The following PTPRR variants were observed in gnomAD, a reference collection of about 807,000 sequenced individuals.
The protein encoded by PTPRR is protein tyrosine phosphatase receptor type R, also known as receptor-type tyrosine-protein phosphatase R.
In PTPRR, 38 loss-of-function variants were observed where a neutral mutation model predicts 77.2. That is an observed-to-expected ratio of 0.49 (90% confidence interval 0.38 to 0.65). The LOEUF (loss-of-function observed/expected upper bound fraction) is 0.65. PTPRR is among the 30% of genes least tolerant of loss of function. PTPRR has a pLI of 0.00. For missense variants in PTPRR, 744 were observed against 799.2 expected, an observed-to-expected ratio of 0.93 and a Z score of 0.83; for synonymous variants, 299 against 283.1, an observed-to-expected ratio of 1.06 and a Z score of -0.57.
intron 2 of PTPRR, among the ~76,000 whole-genome samples, chr12:70,858,327 G>C (rs564534155): frequency 3.6e-4 from 55 of 152,058 alleles, no homozygotes; most frequent in Non-Finnish European, 6.6e-4. Context: ...TTTCCATCTT[G>C]GACTCTGTCT....
chr12:70,696,163 A>G (rs1234567131), intron 8 of PTPRR, among the ~76,000 whole-genome samples: 1 of 150,092 alleles, frequency 6.7e-6, no homozygotes, highest in East Asian at 2.0e-4. Context: ...CATAGAAAAT[A>G]TTACTTCCTC....
chr12:70,660,901 G>A (rs773637031), intron 12 of PTPRR, 39 bp downstream of exon 12: 1 of 1,559,788 alleles, frequency 6.4e-7, no homozygotes, highest in Non-Finnish European at 8.7e-7. Flanking sequence ...TACAAAGAAT[G>A]GGCCATTGCT....
Position 70,867,761 on chromosome 12 carries a change from G to A in PTPRR, c.357+24918C>T, listed in dbSNP as rs546667234. Among the ~76,000 whole-genome samples the A allele has an allele frequency of 1.3e-3, 201 of 152,214 alleles. 1 individual carries two copies. The highest frequency in any genetic ancestry group is 4.8e-3 in the African/African-American group (198 of 41,524). The stretch of plus-strand genomic sequence containing the variant: ...CTAAGCCAGAAGAACAAAACTAGAG[G>A]CATCACGCTACCTGACTTCAAACTA... On this transcript the variant is annotated intron_variant, in intron 2 of 13. Transcript: ENST00000283228.
At position 70,638,306 on chromosome 12, in the gene PTPRR, G is replaced by A. The variant is rs901392871; in HGVS notation, c.*878C>T. ...TCATTCCTGAAGGCATATACCTTTT[G>A]TTGAGAGAGAGATTCCAGGTAGATA... On this transcript the variant is annotated 3_prime_UTR_variant, in exon 14 of 14. Transcript: ENST00000283228. 5 of 152,382 alleles carry A rather than the reference G, an allele frequency of 3.3e-5. No individual in the cohort carries two copies. Among genetic ancestry groups the A allele is most frequent in the African/African-American group, 1.2e-4 (5 of 41,438 alleles). 9.4% of individuals were successfully genotyped at this position (152,382 alleles called of 1,614,324 possible). A position where few individuals can be genotyped will look rare whatever the true frequency, so the allele number is the denominator to read the frequency against.
At chr12:70,816,621 A>C (rs1891907000) in intron 2 of PTPRR, among the ~76,000 whole-genome samples, 1 of 152,088 alleles carries the variant, frequency 6.6e-6, no homozygotes, top group Non-Finnish European at 1.5e-5. Flanking sequence ...GCACATATGC[A>C]TTAGAGATAT....
chr12:70,892,424 T>C lies in PTPRR; in HGVS notation c.357+255A>G, dbSNP rs183606706. On this transcript the variant is annotated intron_variant, in intron 2 of 13. Coordinates refer to ENST00000283228, the MANE Select transcript of PTPRR (RefSeq NM_002849.4). ...TTCCTAAAGTAATCTTTTATTCAAA[T>C]ATTTATTAAGCATCTACCATGTACC... Among the ~76,000 whole-genome samples the C allele has an allele frequency of 1.1e-3, 160 of 152,134 alleles. 1 individual carries two copies. The highest frequency in any genetic ancestry group is 3.7e-3 in the African/African-American group (154 of 41,550).
intron 2 of PTPRR, among the ~76,000 whole-genome samples, chr12:70,877,356 A>T (rs1271818939): frequency 6.6e-6 from 1 of 152,216 alleles, no homozygotes; most frequent in Non-Finnish European, 1.5e-5. Context: ...CCTGTCAATT[A>T]TCATCATGGT....
intron 13 of PTPRR, among the ~76,000 whole-genome samples, chr12:70,643,427 A>G (rs1453337777): frequency 6.6e-6 from 1 of 152,126 alleles, no homozygotes; most frequent in Non-Finnish European, 1.5e-5. Context: ...CATCCACCTC[A>G]GCCTCCCAAA....
chr12:70,824,398 TA>T (rs921771502), intron 2 of PTPRR, among the ~76,000 whole-genome samples: 36 of 152,110 alleles, frequency 2.4e-4, no homozygotes, highest in African/African-American at 6.5e-4. Flanking sequence ...AATTTTTTTT[TA>T]AAATGTAAGA....
chr12:70,898,578 C>CAT (rs1322283503), intron 1 of PTPRR, among the ~76,000 whole-genome samples: 4 of 148,570 alleles, frequency 2.7e-5, no homozygotes, highest in African/African-American at 4.9e-5. Flanking sequence ...TATGTATATA[C>CAT]ATATATATAA....
At chr12:70,889,369 C>T (rs996150535) in intron 2 of PTPRR, among the ~76,000 whole-genome samples, 3 of 118,150 alleles carry the variant, frequency 2.5e-5, no homozygotes, top group African/African-American at 7.8e-5. Flanking sequence ...GAGATTATCA[C>T]TTTACTTATA....
intron 8 of PTPRR, among the ~76,000 whole-genome samples, chr12:70,691,947 T>C (rs1205786062): frequency 6.6e-6 from 1 of 152,198 alleles, no homozygotes; most frequent in Non-Finnish European, 1.5e-5. Flanking sequence ...CATCCATACT[T>C]CCCAATTGCC....
chr12:70,758,045 C>G (rs1890602562), intron 4 of PTPRR, among the ~76,000 whole-genome samples: 2 of 152,170 alleles, frequency 1.3e-5, no homozygotes, highest in African/African-American at 4.8e-5. Context: ...TTTAGAGATT[C>G]TGGTCAAAGG....
intron 1 of PTPRR, among the ~76,000 whole-genome samples, chr12:70,915,113 A>C (rs1275252089): frequency 6.6e-6 from 1 of 152,204 alleles, no homozygotes. Context: ...TGGAGAAATA[A>C]GAGGGAAGCT....
intron 8 of PTPRR, among the ~76,000 whole-genome samples, chr12:70,694,535 A>C (rs1352230094): frequency 6.6e-6 from 1 of 152,188 alleles, no homozygotes; most frequent in Non-Finnish European, 1.5e-5. Context: ...CATTATTCTA[A>C]GCAAATTAAC....
At position 70,890,162 on chromosome 12, in the gene PTPRR, A is replaced by T. The variant is rs183817633; in HGVS notation, c.357+2517T>A. On this transcript the variant is annotated intron_variant, in intron 2 of 13. Coordinates refer to ENST00000283228, the MANE Select transcript of PTPRR (RefSeq NM_002849.4). ...AAAGCGGTATTTTTTTCCTCTTACC[A>T]TAGTACTGACCTTGAGGCATTCAAT... 3.8e-3 allele frequency among the ~76,000 whole-genome samples: 583 copies of T among 152,264 alleles called. 7 individuals carry two copies. The highest frequency in any genetic ancestry group is 0.014 in the African/African-American group (573 of 41,536).
intron 2 of PTPRR, among the ~76,000 whole-genome samples, chr12:70,865,877 G>A (rs868466595): frequency 3.9e-5 from 6 of 152,096 alleles, no homozygotes; most frequent in Non-Finnish European, 7.4e-5. Context: ...AAGCCATGAC[G>A]CAACCACCTC....
chr12:70,859,035 T>C (rs568999644), intron 2 of PTPRR, among the ~76,000 whole-genome samples: 5 of 152,048 alleles, frequency 3.3e-5, no homozygotes, highest in Admixed American at 2.0e-4. Flanking sequence ...GGCTTGAGCA[T>C]TGGTTTCTTA....
In PTPRR at chr12:70,920,606, G is replaced by A; in HGVS notation, c.-216C>T. 1 of 517,380 alleles carries A rather than the reference G, an allele frequency of 1.9e-6. No individual in the cohort carries two copies. The allele number at this position is 517,380 out of a possible 1,614,324, so 32.0% of individuals were successfully genotyped here. On this transcript the variant is annotated 5_prime_UTR_variant, in exon 1 of 14. Coordinates refer to ENST00000283228, the MANE Select transcript of PTPRR (RefSeq NM_002849.4). ...AGAGGAAGAGCAGTAGGAGGTTGCG[G>A]GTAAGGGGAACAGAAGCGCTCAGAG...
Sources: gnomAD v4.1 joint callset for allele counts (sites outside exome capture counted in the v4.1 genomes callset) on GRCh38, gnomAD v4.1.1 for gene constraint, MANE v1.5 for transcripts, NCBI Gene and HGNC (gene_info 2026-07-23, HGNC 2026-07-21) for gene names.